The following MAP3K9 variants were observed in gnomAD, a reference collection of about 807,000 sequenced individuals.
MAP3K9 encodes mixed lineage kinase 1 (tyr and ser/thr specificity).
MAP3K9 carries 46 observed loss-of-function variants against 95.8 expected under a neutral mutation model. That is an observed-to-expected ratio of 0.48 (90% CI 0.38 to 0.61). MAP3K9 has a LOEUF of 0.61. Among genes scored for constraint, MAP3K9 ranks in the 20% least tolerant of loss-of-function variants. The pLI is 0.00. For missense variants in MAP3K9, 1,296 were observed against 1,474.3 expected (o/e 0.88, Z 1.98); for synonymous variants, 533 against 593.8 (o/e 0.90, Z 1.49).
At chr14:70,771,406 G>A (rs898177341) in intron 2 of MAP3K9, among the ~76,000 whole-genome samples, 2 of 152,080 alleles carry the variant, frequency 1.3e-5, no homozygotes, top group African/African-American at 4.8e-5. Context: ...CATCCTGGGA[G>A]GGTGTAATAG....
intron 2 of MAP3K9, among the ~76,000 whole-genome samples, chr14:70,773,654 C>A (rs1006826204): frequency 6.6e-6 from 1 of 152,178 alleles, no homozygotes; most frequent in African/African-American, 2.4e-5. Flanking sequence ...GGCCTTTGGA[C>A]TTTGTTCTTC....
chr14:70,742,911 T>TTATATA lies in MAP3K9; in HGVS notation c.1327-326_1327-321dup, dbSNP rs3081458. Among the ~76,000 whole-genome samples, 751 of 143,080 alleles carry TTATATA rather than the reference T, an allele frequency of 5.2e-3. 5 individuals carry two copies. The highest frequency in any genetic ancestry group is 8.9e-3 in the Non-Finnish European group (587 of 66,144). The allele number at this position is 143,080 out of a possible 152,430, so 93.9% of individuals were successfully genotyped here. ...AAAATTGCCTGTGATTTATATATAT[T>TTATATA]TATATATATATATATATATATATAT... On this transcript the variant is annotated intron_variant, in intron 5 of 11. Transcript: ENST00000554752.
intron 10 of MAP3K9, 102 bp from the exon 11 acceptor site, chr14:70,733,444 C>T (rs535219026): frequency 9.7e-6 from 6 of 619,136 alleles, no homozygotes; most frequent in Non-Finnish European, 1.7e-5. Flanking sequence ...CTGTCTCAGT[C>T]TCAGGGACAC....
At chr14:70,780,804 G>A (rs565734114) in intron 2 of MAP3K9, among the ~76,000 whole-genome samples, 4 of 152,244 alleles carry the variant, frequency 2.6e-5, no homozygotes, top group African/African-American at 4.8e-5. Flanking sequence ...CCAGATCTCC[G>A]TCATACCTCT....
chr14:70,745,267 T>C (rs1336973688), intron 5 of MAP3K9, among the ~76,000 whole-genome samples: 2 of 151,904 alleles, frequency 1.3e-5, no homozygotes, highest in Non-Finnish European at 2.9e-5. Context: ...CAAAATAGTG[T>C]AGAAAGGGAA....
chr14:70,807,400 G>C (rs1367260347), intron 1 of MAP3K9, among the ~76,000 whole-genome samples: 1 of 152,168 alleles, frequency 6.6e-6, no homozygotes, highest in Non-Finnish European at 1.5e-5. Context: ...TGAGGCAGGA[G>C]AATTGCTTGA....
At chr14:70,807,288 C>T (rs1295344667) in intron 1 of MAP3K9, among the ~76,000 whole-genome samples, 9 of 152,276 alleles carry the variant, frequency 5.9e-5, no homozygotes, top group Admixed American at 5.2e-4. Context: ...GTCAGGAGTT[C>T]GAGACCAGTT....
At chr14:70,761,779 T>C (rs192546279) in intron 2 of MAP3K9, among the ~76,000 whole-genome samples, 1 of 152,326 alleles carries the variant, frequency 6.6e-6, no homozygotes, top group Non-Finnish European at 1.5e-5. Flanking sequence ...CCACATAACA[T>C]AAAATTAACC....
intron 1 of MAP3K9, among the ~76,000 whole-genome samples, chr14:70,803,440 A>T (rs1336710360): frequency 6.6e-6 from 1 of 151,738 alleles, no homozygotes; most frequent in Non-Finnish European, 1.5e-5. Flanking sequence ...CTAAGAAAAC[A>T]AAGATACATT....
chr14:70,732,912 C>G lies in MAP3K9; in HGVS notation c.2457G>C (p.Glu819Asp), dbSNP rs1301985510. Residue 819 changes from glutamate (E) to aspartate (D), a missense_variant, in exon 11 of 12, where the codon GAG becomes GAC. Around this residue, in one of 5 missense-constraint regions of MAP3K9, gnomAD observed 433 missense variants for 441.4 expected, o/e 0.98. Coordinates refer to ENST00000554752, the MANE Select transcript of MAP3K9 (RefSeq NM_001284230.2). ...SPPSRKLFKKEEPMLLLGDPS... is the reference protein window; with the variant it reads ...SPPSRKLFKKDEPMLLLGDPS... ...GGTCTCCTAGCAACAGCATGGGCTC[C>G]TCCTTCTTGAAAAGCTTTCGGGATG... is the stretch of plus-strand genomic sequence containing the variant. 4 of 1,613,886 alleles carry G rather than the reference C, an allele frequency of 2.5e-6. No individual in the cohort carries two copies. In the African/African-American group the frequency reaches 4.0e-5, roughly 16 times the overall value.
intron 2 of MAP3K9, among the ~76,000 whole-genome samples, chr14:70,787,001 A>C (rs1293694831): frequency 6.6e-6 from 1 of 152,232 alleles, no homozygotes; most frequent in African/African-American, 2.4e-5. Context: ...TCCAGATGGC[A>C]TGTACACCGT....
intron 2 of MAP3K9, among the ~76,000 whole-genome samples, chr14:70,797,048 G>T: frequency 6.6e-6 from 1 of 152,190 alleles, no homozygotes; most frequent in East Asian, 1.9e-4. Flanking sequence ...ACTTTTTAAA[G>T]TAGATGACCA....
chr14:70,764,972 A>G (rs1307731641), intron 2 of MAP3K9, among the ~76,000 whole-genome samples: 1 of 152,240 alleles, frequency 6.6e-6, no homozygotes, highest in Non-Finnish European at 1.5e-5. Context: ...TTAAGAAGTA[A>G]ACAGTTTTTG....
intron 2 of MAP3K9, among the ~76,000 whole-genome samples, chr14:70,800,318 A>G (rs1223364796): frequency 1.3e-5 from 2 of 152,196 alleles, no homozygotes; most frequent in African/African-American, 2.4e-5. Flanking sequence ...TTCCACAAAG[A>G]GGAAAATCCC....
chr14:70,796,051 G>A (rs1322765522), intron 2 of MAP3K9, among the ~76,000 whole-genome samples: 1 of 152,092 alleles, frequency 6.6e-6, no homozygotes, highest in Non-Finnish European at 1.5e-5. Flanking sequence ...CACCACACCT[G>A]GCCACTTATA....
chr14:70,801,158 G>T, intron 1 of MAP3K9, 78 bp from the exon 2 acceptor site: 3 of 1,336,710 alleles, frequency 2.2e-6, no homozygotes, highest in Non-Finnish European at 3.1e-6. Flanking sequence ...TTACCTGAGT[G>T]GGTAAACACG....
chr14:70,768,764 T>C (rs2054491760), intron 2 of MAP3K9, among the ~76,000 whole-genome samples: 1 of 152,254 alleles, frequency 6.6e-6, no homozygotes, highest in East Asian at 1.9e-4. Flanking sequence ...TAGGTCCTAA[T>C]GGTAAACTTA....
intron 5 of MAP3K9, among the ~76,000 whole-genome samples, chr14:70,746,113 G>A (rs970352837): frequency 5.9e-5 from 9 of 152,182 alleles, no homozygotes; most frequent in East Asian, 3.8e-4. Flanking sequence ...TTGCTGTTAA[G>A]TGTAAAAGTT....
Position 70,738,396 on chromosome 14 carries a change from T to C in MAP3K9, c.1693A>G (p.Thr565Ala). Residue 565 changes from threonine (T) to alanine (A), a missense_variant and splice_region_variant, in exon 8 of 12, where the codon ACA becomes GCA. Around this residue, in one of 5 missense-constraint regions of MAP3K9, gnomAD observed 377 missense variants for 417.1 expected, o/e 0.90. Coordinates refer to ENST00000554752, the MANE Select transcript of MAP3K9 (RefSeq NM_001284230.2). Reference sequence around the variant, plus strand: ...CAGGTTTTGCTGCTTTCACCTGGTGTCACTGTGAATCACAAGGGTTGGATA... The same window carrying C: ...CAGGTTTTGCTGCTTTCACCTGGTGCCACTGTGAATCACAAGGGTTGGATA... The part of the protein sequence containing the change: ...IIPRLRAIQL[T>A]PGESSKTWGR... 1.2e-6 allele frequency: 2 copies of C among 1,613,624 alleles called. No homozygotes were observed. Among genetic ancestry groups the C allele is most frequent in the African/African-American group, 1.3e-5 (1 of 74,994 alleles).
Sources: allele counts gnomAD v4.1 joint callset (sites outside exome capture counted in the v4.1 genomes callset), GRCh38; gene constraint gnomAD v4.1.1; regional missense constraint gnomAD v4.1.1; transcripts MANE v1.5; gene names NCBI Gene and HGNC (gene_info 2026-07-23, HGNC 2026-07-21).